The following MACF1 variants were observed in gnomAD, a reference collection of about 807,000 sequenced individuals.
The protein encoded by MACF1 is microtubule actin crosslinking factor 1, also known as microtubule-actin cross-linking factor 1.
Under a neutral mutation model 854.8 loss-of-function variants are expected in MACF1, and 193 were observed. That is an observed-to-expected ratio of 0.23 (90% CI 0.20 to 0.25). MACF1 has a LOEUF of 0.25. MACF1 is among the 10% of genes least tolerant of loss of function. The probability of loss-of-function intolerance (pLI) is 1.00; values close to 1 mark genes in which losing one functional copy is unlikely to be tolerated. For synonymous variants in MACF1, 3,185 were observed against 3,226.7 expected (o/e 0.99, Z 0.44); for missense variants, 7,722 against 8,929.1 (o/e 0.86, Z 5.45).
intron 2 of MACF1, among the ~76,000 whole-genome samples, chr1:39,106,071 C>T (rs1405931835): frequency 6.6e-6 from 1 of 152,116 alleles, no homozygotes; most frequent in African/African-American, 2.4e-5. Flanking sequence ...AAACCACCCG[C>T]TCTGCTCTGG....
At chr1:39,367,514 A>G (rs1209277317) in intron 49 of MACF1, among the ~76,000 whole-genome samples, 1 of 152,120 alleles carries the variant, frequency 6.6e-6, no homozygotes, top group East Asian at 1.9e-4. Context: ...CTTAAGTATA[A>G]TGTTAAATAA....
chr1:39,178,985 G>A (rs897558545), intron 2 of MACF1, among the ~76,000 whole-genome samples: 2 of 152,178 alleles, frequency 1.3e-5, no homozygotes, highest in African/African-American at 4.8e-5. Context: ...CAGAACATAA[G>A]GAGTTAAATT....
intron 2 of MACF1, among the ~76,000 whole-genome samples, chr1:39,249,026 C>T (rs1645012549): frequency 6.6e-6 from 1 of 152,068 alleles, no homozygotes; most frequent in Non-Finnish European, 1.5e-5. Flanking sequence ...GGATTGCAGG[C>T]AGAAGCCACT....
chr1:39,458,952 T>C lies in MACF1; in HGVS notation c.21197-134T>C, dbSNP rs1435566082. 18 of 781,218 alleles carry C rather than the reference T, an allele frequency of 2.3e-5. No individual in the cohort carries two copies. In the Admixed American group the frequency reaches 3.8e-4, roughly 16 times the overall value. 48.4% of individuals were successfully genotyped at this position (781,218 alleles called of 1,614,324 possible). ...ATTAGTACACCTCCGTATCTAAATA[T>C]TGCCAAGTCCCGTATTTCTTTTCTC... is the stretch of plus-strand genomic sequence containing the variant. On this transcript the variant is annotated intron_variant, in intron 90 of 100. Transcript: ENST00000564288.
chr1:39,137,133 G>A (rs1048392948), intron 2 of MACF1, among the ~76,000 whole-genome samples: 3 of 152,072 alleles, frequency 2.0e-5, no homozygotes, highest in African/African-American at 7.2e-5. Context: ...GCAGTGGTGC[G>A]ATCTTGGCTC....
rs138353260 is a variant in MACF1 at position 39,317,297 on chromosome 1, G to A, written c.3672G>A (p.Glu1224=). The change falls in exon 29 of 101, where the codon GAG becomes GAA. Residue 1224 remains glutamate, a synonymous_variant. Transcript: ENST00000564288. ...EEIAKAKVVA[E]QMSRLTPERN... ...TTGCCAAGGCCAAGGTAGTGGCAGA[G>A]CAGATGAGTCGTCTGACACCAGAGC... 138 of 1,613,996 alleles carry A rather than the reference G, an allele frequency of 8.6e-5. No homozygotes were observed. Among genetic ancestry groups the A allele is most frequent in the Non-Finnish European group, 7.0e-5 (83 of 1,180,030 alleles).
At chr1:39,285,950 C>G (rs1194458239) in intron 14 of MACF1, among the ~76,000 whole-genome samples, 192 bp downstream of exon 14, 1 of 152,180 alleles carries the variant, frequency 6.6e-6, no homozygotes, top group African/African-American at 2.4e-5. Flanking sequence ...TATTGCAGCT[C>G]CATCCCACTA....
At chr1:39,198,583 G>A (rs957279625) in intron 2 of MACF1, among the ~76,000 whole-genome samples, 13 of 151,052 alleles carry the variant, frequency 8.6e-5, no homozygotes, top group African/African-American at 2.0e-4. Flanking sequence ...GCCGGGAGAC[G>A]GAGGTTGCAG....
At chr1:39,197,286 C>T (rs1207927473) in intron 2 of MACF1, among the ~76,000 whole-genome samples, 1 of 151,754 alleles carries the variant, frequency 6.6e-6, no homozygotes, top group East Asian at 1.9e-4. Flanking sequence ...AGGCTTTTTA[C>T]CTGTAATATC....
In MACF1 at chr1:39,333,500, A is replaced by G. The variant is rs1406034417; in HGVS notation, c.6912A>G (p.Gln2304=). The change falls in exon 37 of 101, where the codon CAA becomes CAG. Residue 2304 remains glutamine, a synonymous_variant. Coordinates refer to ENST00000564288, the MANE Select transcript of MACF1 (RefSeq NM_001394062.1). ...DGGIFHEQTG[Q]KLLLNEAISR... ...GTATCTTTCATGAACAAACAGGTCA[A>G]AAGCTCTTACTAAATGAAGCAATAT... is the stretch of plus-strand genomic sequence containing the variant. The G allele has an allele frequency of 6.2e-7, 1 of 1,614,234 alleles. No individual in the cohort carries two copies.
At chr1:39,295,236 A>T in intron 19 of MACF1, 86 bp downstream of exon 19, 1 of 1,127,610 alleles carries the variant, frequency 8.9e-7, no homozygotes. Context: ...GTTCCACTGA[A>T]AGACTTGGAG....
chr1:39,165,084 G>A (rs573473824), intron 2 of MACF1, among the ~76,000 whole-genome samples: 3 of 152,316 alleles, frequency 2.0e-5, no homozygotes, highest in East Asian at 1.9e-4. Flanking sequence ...CTGAAAGAAG[G>A]CACATGTGTA....
At chr1:39,205,229 C>T in intron 1 of MACF1, 98 bp downstream of exon 1, 3 of 675,602 alleles carry the variant, frequency 4.4e-6, no homozygotes, top group Admixed American at 4.3e-5. Context: ...CCTTAAAGGG[C>T]CAGTACGTCC....
intron 2 of MACF1, among the ~76,000 whole-genome samples, chr1:39,179,832 T>A (rs1298593155): frequency 1.3e-5 from 2 of 151,978 alleles, no homozygotes; most frequent in African/African-American, 4.8e-5. Flanking sequence ...CTGGCCAACA[T>A]GGTGAAACCC....
At chr1:39,391,192 A>G (rs1055183040) in intron 58 of MACF1, among the ~76,000 whole-genome samples, 4 of 151,948 alleles carry the variant, frequency 2.6e-5, no homozygotes, top group Admixed American at 2.6e-4. Context: ...AATTTGCCTA[A>G]TTTTCTAAAT....
At position 39,379,272 on chromosome 1, in the gene MACF1, A is replaced by T. The variant is rs774796604; in HGVS notation, c.13346A>T (p.His4449Leu). 1.2e-6 allele frequency: 2 copies of T among 1,613,536 alleles called. No individual in the cohort carries two copies. The highest frequency in any genetic ancestry group is 1.1e-5 in the South Asian group (1 of 90,982). ...TATGAGAAACTAGGGGGAGTACTTC[A>T]TGAACGCCAGGAAAGCCTTCAGGCT... ...LKYEKLGGVL[H>L]ERQESLQAIL... Residue 4449 changes from histidine to leucine, a missense_variant, in exon 54 of 101, where the codon CAT becomes CTT. Physicochemically the swap from His to Leu is moderately conservative, Grantham distance 99. This residue lies in a region of MACF1 where 2,807 missense variants were observed against 3,235.8 expected (regional missense o/e 0.87). Coordinates refer to ENST00000564288, the MANE Select transcript of MACF1 (RefSeq NM_001394062.1).
At chr1:39,187,895 T>TCTCTCTCTCTCTCTCTC (rs1553160213) in intron 2 of MACF1, among the ~76,000 whole-genome samples, 4 of 68,398 alleles carry the variant, frequency 5.8e-5, no homozygotes, top group South Asian at 8.8e-4. Flanking sequence ...TCTCTCTCTC[T>TCTCTCTCTCTCTCTCTC]CTCTCTCCTC....
At position 39,437,882 on chromosome 1, in the gene MACF1, A is replaced by G; in HGVS notation, c.18094A>G (p.Ile6032Val). 1 of 1,614,166 alleles carries G rather than the reference A, an allele frequency of 6.2e-7. No homozygotes were observed. Reference sequence around the variant, plus strand: ...TGAAGTAGACAAGATCAGAGAGTGCATCAGTGACAATAAGAGTGCCACCGT... The same window carrying G: ...TGAAGTAGACAAGATCAGAGAGTGCGTCAGTGACAATAAGAGTGCCACCGT... ...PAEVDKIREC[I>V]SDNKSATVEL... is the part of the protein sequence containing the mutation. The change falls in exon 71 of 101, where the codon ATC (isoleucine) becomes GTC (valine). Residue 6032 changes from isoleucine (I) to valine (V), a missense_variant. Ile to Val is a conservative substitution (Grantham distance 29). This residue lies in a region of MACF1 where 2,807 missense variants were observed against 3,235.8 expected (regional missense o/e 0.87). Coordinates refer to ENST00000564288, the MANE Select transcript of MACF1 (RefSeq NM_001394062.1).
At chr1:39,431,023 TG>T in intron 66 of MACF1, 115 bp downstream of exon 66, 1 of 946,894 alleles carries the variant, frequency 1.1e-6, no homozygotes, top group Non-Finnish European at 1.7e-6. Context: ...AAGCTAAATC[TG>T]GTGGAATAAA....
Sources: allele counts gnomAD v4.1 joint callset (sites outside exome capture counted in the v4.1 genomes callset), GRCh38; gene constraint gnomAD v4.1.1; regional missense constraint gnomAD v4.1.1; transcripts MANE v1.5; gene names NCBI Gene and HGNC (gene_info 2026-07-23, HGNC 2026-07-21).